LMX1B: variants seen among roughly 807,000 people sequenced by gnomAD.
LMX1B encodes the protein LIM homeobox transcription factor 1-beta.
Under a neutral mutation model 51.4 loss-of-function variants are expected in LMX1B, and 12 were observed. The observed-to-expected ratio is 0.23, with a 90% CI of 0.15 to 0.38. LMX1B has a LOEUF of 0.38. LMX1B is among the 10% of genes least tolerant of loss of function. The pLI, the probability that LMX1B is intolerant of heterozygous loss-of-function variation, is 1.00. For missense variants in LMX1B, 445 were observed against 571.1 expected (o/e 0.78, Z 2.25); for synonymous variants, 237 against 235.4 (o/e 1.01, Z -0.06).
intron 2 of LMX1B, among the ~76,000 whole-genome samples, chr9:126,683,157 C>T (rs7030112): frequency 0.29 from 44,301 of 150,698 alleles, 6,665 homozygotes; most frequent in Middle Eastern, 0.38. Flanking sequence ...GCTGCAGGCC[C>T]GGCCCCGACG....
intron 3 of LMX1B, among the ~76,000 whole-genome samples, chr9:126,692,450 G>A (rs543387432): frequency 2.0e-5 from 3 of 152,362 alleles, no homozygotes; most frequent in African/African-American, 7.2e-5. Context: ...CATGGTGGGT[G>A]TGGCTGTAGC....
intron 2 of LMX1B, among the ~76,000 whole-genome samples, chr9:126,636,153 A>G (rs1048539174): frequency 1.3e-5 from 2 of 152,074 alleles, no homozygotes; most frequent in Admixed American, 1.3e-4. Context: ...CCTTTCTGAT[A>G]TTTGCTGAGG....
chr9:126,648,750 C>G (rs1015161227), intron 2 of LMX1B, among the ~76,000 whole-genome samples: 1 of 152,098 alleles, frequency 6.6e-6, no homozygotes, highest in African/African-American at 2.4e-5. Flanking sequence ...GTTGGAGGCA[C>G]CAGGGGTGGC....
intron 2 of LMX1B, among the ~76,000 whole-genome samples, chr9:126,670,941 G>C (rs1258916766): frequency 6.6e-6 from 1 of 152,194 alleles, no homozygotes; most frequent in Non-Finnish European, 1.5e-5. Context: ...TATAGCTGTG[G>C]GTAGGCATGA....
At chr9:126,629,309 A>ACAG (rs1835591835) in intron 2 of LMX1B, among the ~76,000 whole-genome samples, 1 of 152,200 alleles carries the variant, frequency 6.6e-6, no homozygotes, top group African/African-American at 2.4e-5. Flanking sequence ...AGCATGCACG[A>ACAG]CAGCAGCAGC....
At chr9:126,633,964 G>A (rs1835672942) in intron 2 of LMX1B, among the ~76,000 whole-genome samples, 2 of 152,188 alleles carry the variant, frequency 1.3e-5, no homozygotes, top group East Asian at 1.9e-4. Context: ...GTTGGCCTCC[G>A]AGATGCCTCA....
intron 2 of LMX1B, among the ~76,000 whole-genome samples, chr9:126,683,219 C>T (rs1836709340): frequency 6.6e-6 from 1 of 151,008 alleles, no homozygotes; most frequent in Admixed American, 6.6e-5. Context: ...CCGCGAGGCC[C>T]GCAGAGCGCG....
chr9:126,698,320 G>A lies in LMX1B; in HGVS notation c.*1869G>A, dbSNP rs937810727. ...CTCTCTCCCAGCACATCTGCCCAGT[G>A]AGGAGTTGGCCCTGGGTCTCACCTG... On this transcript the variant is annotated 3_prime_UTR_variant, in exon 8 of 8. Transcript: ENST00000373474. 1.3e-5 allele frequency: 2 copies of A among 152,436 alleles called. No homozygotes were observed. Among genetic ancestry groups the A allele is most frequent in the Admixed American group, 1.3e-4 (2 of 15,284 alleles). 9.4% of individuals were successfully genotyped at this position (152,436 alleles called of 1,614,324 possible).
At chr9:126,624,869 G>A (rs937496818) in intron 2 of LMX1B, among the ~76,000 whole-genome samples, 3 of 152,140 alleles carry the variant, frequency 2.0e-5, no homozygotes, top group Non-Finnish European at 4.4e-5. Flanking sequence ...CAGCAACGGG[G>A]AAAGGCGAGC....
intron 2 of LMX1B, among the ~76,000 whole-genome samples, chr9:126,674,710 C>T (rs2118952826): frequency 6.6e-6 from 1 of 152,316 alleles, no homozygotes; most frequent in African/African-American, 2.4e-5. Flanking sequence ...GTTTCCCATT[C>T]AACCCCAAAG....
chr9:126,686,751 G>A (rs960399001), intron 2 of LMX1B, among the ~76,000 whole-genome samples: 9 of 152,186 alleles, frequency 5.9e-5, no homozygotes, highest in Non-Finnish European at 1.0e-4. Context: ...TGATGCTGCC[G>A]TGTGACCTTA....
chr9:126,669,532 T>TG (rs781028968), intron 2 of LMX1B, among the ~76,000 whole-genome samples: 138 of 152,264 alleles, frequency 9.1e-4, no homozygotes, highest in Non-Finnish European at 1.4e-3. Context: ...CGTGTGGGCC[T>TG]GGGGGGTCTT....
At chr9:126,655,291 G>A (rs368484136) in intron 2 of LMX1B, among the ~76,000 whole-genome samples, 2 of 152,164 alleles carry the variant, frequency 1.3e-5, no homozygotes, top group South Asian at 2.1e-4. Flanking sequence ...GGCCCCCTTC[G>A]ATGAGGGCAT....
At position 126,685,335 on chromosome 9, in the gene LMX1B, G is replaced by A. The variant is rs563647088; in HGVS notation, c.327-5501G>A. On this transcript the variant is annotated intron_variant, in intron 2 of 7. Coordinates refer to ENST00000373474, the MANE Select transcript of LMX1B (RefSeq NM_001174147.2). ...CGAGAGAGCTGGGTGTCACGGGGTG[G>A]GTGGGGCCTTGAGTGCCACAGCGAG... Among the ~76,000 whole-genome samples, 9 of 152,258 alleles carry A rather than the reference G, an allele frequency of 5.9e-5. No individual in the cohort carries two copies. The South Asian group carries it at 1.7e-3, about 28-fold the overall frequency.
At chr9:126,694,809 T>C (rs1228305858) in intron 6 of LMX1B, among the ~76,000 whole-genome samples, 3 of 152,148 alleles carry the variant, frequency 2.0e-5, no homozygotes, top group African/African-American at 7.2e-5. Context: ...CTCCCAGCCA[T>C]GTCCTGGGCT....
chr9:126,634,985 C>T (rs555572986), intron 2 of LMX1B, among the ~76,000 whole-genome samples: 13 of 152,316 alleles, frequency 8.5e-5, no homozygotes, highest in East Asian at 1.9e-4. Context: ...ACCCTCAAGC[C>T]GGTGCCAGTG....
At chr9:126,665,000 C>CTGG (rs1836316307) in intron 2 of LMX1B, among the ~76,000 whole-genome samples, 1 of 152,246 alleles carries the variant, frequency 6.6e-6, no homozygotes, top group Non-Finnish European at 1.5e-5. Context: ...ATTGGAGAGG[C>CTGG]TGAAGCATTA....
chr9:126,634,095 G>A (rs549300612), intron 2 of LMX1B, among the ~76,000 whole-genome samples: 4 of 152,246 alleles, frequency 2.6e-5, no homozygotes, highest in African/African-American at 4.8e-5. Flanking sequence ...TCATCCAACC[G>A]GAAGGACCCC....
rs549506984 is a variant in LMX1B at position 126,696,418 on chromosome 9, C to G, written c.1176C>G (p.Leu392=). 2.2e-5 allele frequency: 35 copies of G among 1,614,106 alleles called. No homozygotes were observed. In the East Asian group the frequency reaches 6.7e-4, roughly 31 times the overall value. The change falls in exon 8 of 8, where the codon CTC becomes CTG. Residue 392 remains leucine, a synonymous_variant. Coordinates refer to ENST00000373474, the MANE Select transcript of LMX1B (RefSeq NM_001174147.2). ...QARVGNPIDR[L]YSMQSSYFAS The stretch of plus-strand genomic sequence containing the variant: ...GCGTGGGGAACCCCATCGACCGGCT[C>G]TACTCCATGCAGAGTTCCTACTTCG...
Sources: gnomAD v4.1 joint callset for allele counts (sites outside exome capture counted in the v4.1 genomes callset) on GRCh38, gnomAD v4.1.1 for gene constraint, MANE v1.5 for transcripts, NCBI Gene and HGNC (gene_info 2026-07-23, HGNC 2026-07-21) for gene names.